The following ADTRP variants were observed in gnomAD, a reference collection of about 807,000 sequenced individuals.
ADTRP encodes androgen dependent TFPI regulating protein.
ADTRP carries 20 observed loss-of-function variants against 27.0 expected under a neutral mutation model. The observed-to-expected ratio is 0.74, with a 90% CI of 0.52 to 1.08. The LOEUF (loss-of-function observed/expected upper bound fraction) is 1.08. Among genes scored for constraint, ADTRP ranks in the 50% least tolerant of loss-of-function variants. The pLI is 0.00. For synonymous variants in ADTRP, 101 were observed against 105.2 expected, an observed-to-expected ratio of 0.96 and a Z score of 0.25; for missense variants, 251 against 275.0, an observed-to-expected ratio of 0.91 and a Z score of 0.62.
At chr6:11,723,326 A>G (rs547052475) in intron 5 of ADTRP, 23 bp downstream of exon 5, 2 of 1,612,250 alleles carry the variant, frequency 1.2e-6, no homozygotes, top group East Asian at 2.2e-5. Flanking sequence ...GCGCATCTGT[A>G]GCTAAGAAAG....
chr6:11,765,317 TGG>T, intron 3 of ADTRP, among the ~76,000 whole-genome samples: 1 of 115,302 alleles, frequency 8.7e-6, no homozygotes, highest in East Asian at 2.5e-4. Flanking sequence ...GCCTTTCCCC[TGG>T]TTTGTTTTTT....
chr6:11,751,293 T>A (rs1434167827), intron 3 of ADTRP, among the ~76,000 whole-genome samples: 1 of 152,238 alleles, frequency 6.6e-6, no homozygotes, highest in Non-Finnish European at 1.5e-5. Flanking sequence ...CACATGAATC[T>A]AATCTACCCC....
intron 1 of ADTRP, 133 bp downstream of exon 1, chr6:11,778,474 A>T: frequency 7.6e-7 from 1 of 1,308,686 alleles, no homozygotes; most frequent in African/African-American, 1.5e-5. Context: ...AAAAAACCCA[A>T]AACTCACAAA....
chr6:11,748,596 G>T (rs906544986), intron 3 of ADTRP, among the ~76,000 whole-genome samples: 2 of 152,192 alleles, frequency 1.3e-5, no homozygotes, highest in African/African-American at 4.8e-5. Context: ...ATCACAATAT[G>T]TGCTATGAAG....
intron 1 of ADTRP, 146 bp downstream of exon 1, chr6:11,778,461 A>G (rs1160773269): frequency 4.2e-6 from 5 of 1,194,548 alleles, no homozygotes; most frequent in Non-Finnish European, 5.8e-6. Flanking sequence ...TTGTTAAGTA[A>G]ACAAAAAACC....
At chr6:11,741,346 G>A (rs2743953) in intron 3 of ADTRP, among the ~76,000 whole-genome samples, 124,154 of 152,248 alleles carry the variant, frequency 0.82, 50,824 homozygotes, top group East Asian at 1. Context: ...TGACCCAGCT[G>A]TTCACTGTAA....
intron 4 of ADTRP, among the ~76,000 whole-genome samples, chr6:11,732,425 C>A (rs973233528): frequency 1.3e-5 from 2 of 152,164 alleles, no homozygotes; most frequent in Admixed American, 6.5e-5. Flanking sequence ...TAAAACGTCT[C>A]CATGGGTGTC....
At position 11,721,808 on chromosome 6, in the gene ADTRP, G is replaced by A. The variant is rs548706820; in HGVS notation, c.658+1541C>T. Among the ~76,000 whole-genome samples the A allele has an allele frequency of 3.9e-5, 6 of 152,192 alleles. No individual in the cohort carries two copies. The East Asian group carries it at 5.8e-4, about 15-fold the overall frequency. ...TTAAACAATGAGGCTTGTTAAGAAC[G>A]TTGTATTGAGAATAGTAATTTCAAT... is the stretch of plus-strand genomic sequence containing the variant. On this transcript the variant is annotated intron_variant, in intron 5 of 5. Coordinates refer to ENST00000414691, the MANE Select transcript of ADTRP (RefSeq NM_032744.4).
intron 3 of ADTRP, among the ~76,000 whole-genome samples, chr6:11,749,189 G>A (rs921724537): frequency 6.6e-6 from 1 of 152,170 alleles, no homozygotes; most frequent in Non-Finnish European, 1.5e-5. Context: ...ATAGAGTGGA[G>A]GGAGGTGGCA....
intron 2 of ADTRP, 120 bp downstream of exon 2, chr6:11,768,129 G>T: frequency 8.0e-7 from 1 of 1,250,872 alleles, no homozygotes; most frequent in Admixed American, 2.1e-5. Flanking sequence ...ACAGGACATT[G>T]TTGTAAATGC....
intron 3 of ADTRP, among the ~76,000 whole-genome samples, chr6:11,764,854 C>T (rs1355932737): frequency 7.0e-6 from 1 of 142,538 alleles, no homozygotes; most frequent in Non-Finnish European, 1.5e-5. Context: ...TGAGCCCATA[C>T]CTGAAAAACA....
chr6:11,774,005 C>T (rs4713896), intron 1 of ADTRP, among the ~76,000 whole-genome samples: 50,702 of 152,082 alleles, frequency 0.33, 10,178 homozygotes, highest in East Asian at 0.66. Flanking sequence ...TCTGACTCCA[C>T]GTTGCTGAAG....
At chr6:11,717,105 C>A (rs558849269) in intron 5 of ADTRP, 8 of 512,214 alleles carry the variant, frequency 1.6e-5, no homozygotes, top group Non-Finnish European at 2.4e-5. Context: ...CTTACCCAAA[C>A]CAAATTCACA....
intron 4 of ADTRP, among the ~76,000 whole-genome samples, chr6:11,731,458 A>G (rs975049949): frequency 6.6e-6 from 1 of 152,164 alleles, no homozygotes; most frequent in African/African-American, 2.4e-5. Context: ...CATTTTCTAT[A>G]CTATGTCCAA....
At position 11,715,654 on chromosome 6, in the gene ADTRP, T is replaced by A. The variant is rs201483605; in HGVS notation, c.659-1142A>T. Among the ~76,000 whole-genome samples the A allele has an allele frequency of 2.9e-4, 10 of 34,668 alleles. No homozygotes were observed. In the Admixed American group the frequency reaches 3.6e-3, roughly 12 times the overall value. 22.7% of individuals were successfully genotyped at this position (34,668 alleles called of 152,430 possible). A position where few individuals can be genotyped will look rare whatever the true frequency, so the allele number is the denominator to read the frequency against. ...CTTTCTCTTCTGTTTTTCCCTTTTT[T>A]TTTTTTTTTTTTTTTTGAGACAAGG... is the stretch of plus-strand genomic sequence containing the variant. On this transcript the variant is annotated intron_variant, in intron 5 of 5. Transcript: ENST00000414691.
Position 11,714,240 on chromosome 6 carries a change from ATAAT to A in ADTRP, c.*234_*237del, listed in dbSNP as rs530013105. The A allele has an allele frequency of 4.1e-4, 213 of 513,784 alleles. No homozygotes were observed. The highest frequency in any genetic ancestry group is 8.8e-4 in the Admixed American group (25 of 28,494). 31.8% of individuals were successfully genotyped at this position (513,784 alleles called of 1,614,324 possible). A position where few individuals can be genotyped will look rare whatever the true frequency, so the allele number is the denominator to read the frequency against. ...AGACCATCCTCCACGAAGGTCAAAG[ATAAT>A]TAATTCTGAGATAGCAGGAGTTGTT... On this transcript the variant is annotated 3_prime_UTR_variant, in exon 6 of 6. Transcript: ENST00000414691.
intron 1 of ADTRP, among the ~76,000 whole-genome samples, chr6:11,777,815 T>A (rs1764009182): frequency 6.6e-6 from 1 of 152,198 alleles, no homozygotes; most frequent in Admixed American, 6.5e-5. Context: ...AAAACAGATG[T>A]TTATGTGGCA....
At chr6:11,723,827 G>C (rs1330387200) in intron 4 of ADTRP, among the ~76,000 whole-genome samples, 1 of 152,140 alleles carries the variant, frequency 6.6e-6, no homozygotes, top group Non-Finnish European at 1.5e-5. Flanking sequence ...GGGAGGCTGA[G>C]GGGGGTGGAT....
chr6:11,716,719 CT>C (rs1554110530), intron 5 of ADTRP, among the ~76,000 whole-genome samples: 34 of 125,424 alleles, frequency 2.7e-4, no homozygotes, highest in East Asian at 6.6e-4. Context: ...TTTTCTTTTT[CT>C]TTTTTTTTTT....
Sources: gnomAD v4.1 joint callset for allele counts (sites outside exome capture counted in the v4.1 genomes callset) on GRCh38, gnomAD v4.1.1 for gene constraint, MANE v1.5 for transcripts, NCBI Gene and HGNC (gene_info 2026-07-23, HGNC 2026-07-21) for gene names.